Variants in FAM98B observed in about 807,000 individuals in gnomAD.
The protein encoded by FAM98B is tRNA-splicing ligase complex subunit FAM98B.
In FAM98B, 32 loss-of-function variants were observed where a neutral mutation model predicts 43.9. The ratio of observed to expected loss-of-function variants is 0.73; its 90% CI spans 0.55 to 0.98. FAM98B has a LOEUF of 0.98. Ranked by LOEUF, FAM98B falls within the 50% of genes least tolerant of loss-of-function variation. The pLI is 0.00. For synonymous variants in FAM98B, 190 were observed against 174.0 expected, an observed-to-expected ratio of 1.09 and a Z score of -0.72; for missense variants, 514 against 522.9, an observed-to-expected ratio of 0.98 and a Z score of 0.17.
chr15:38,456,290 A>G (rs1889847316), intron 1 of FAM98B, among the ~76,000 whole-genome samples: 1 of 152,232 alleles, frequency 6.6e-6, no homozygotes, highest in Admixed American at 6.5e-5. Context: ...AGATCTCAAC[A>G]CTGGAAGTAC....
At chr15:38,470,479 T>C in intron 4 of FAM98B, 74 bp downstream of exon 4, 1 of 1,302,826 alleles carries the variant, frequency 7.7e-7, no homozygotes, top group Non-Finnish European at 1.1e-6. Flanking sequence ...AAAATGAAAC[T>C]ATTCCCTATA....
intron 7 of FAM98B, chr15:38,483,683 A>AG (rs1890316504): frequency 2.6e-5 from 1 of 38,258 alleles, no homozygotes; most frequent in Non-Finnish European, 4.8e-5. Context: ...AAAAAAAAAA[A>AG]AATATATATA....
intron 1 of FAM98B, among the ~76,000 whole-genome samples, chr15:38,455,022 C>A (rs1300985552): frequency 1.3e-5 from 2 of 152,128 alleles, no homozygotes; most frequent in African/African-American, 4.8e-5. Context: ...TTGTCCCCAT[C>A]CCAAATTATC....
At chr15:38,458,365 A>G (rs1041890389) in intron 1 of FAM98B, among the ~76,000 whole-genome samples, 5 of 152,186 alleles carry the variant, frequency 3.3e-5, no homozygotes, top group Admixed American at 3.3e-4. Context: ...TGGTTTGGCA[A>G]TGGAGTCTTC....
At chr15:38,467,112 C>T (rs1472402541) in intron 3 of FAM98B, among the ~76,000 whole-genome samples, 5 of 152,004 alleles carry the variant, frequency 3.3e-5, no homozygotes, top group Admixed American at 6.6e-5. Context: ...CTTACTTAGA[C>T]AAAGATTAGG....
Position 38,487,027 on chromosome 15 carries a change from T to C in FAM98B, c.*2368T>C, listed in dbSNP as rs1456085669. 1 of 152,106 alleles carries C rather than the reference T, an allele frequency of 6.6e-6. No homozygotes were observed. The highest frequency in any genetic ancestry group is 1.9e-4 in the East Asian group (1 of 5,202). The allele number at this position is 152,106 out of a possible 1,614,324, so 9.4% of individuals were successfully genotyped here. ...TTACCTCATTGTCCTTCCCCTTTTT[T>C]CTTCTCTTTTTGTCCAGCCTGGTAC... is the stretch of plus-strand genomic sequence containing the variant. On this transcript the variant is annotated 3_prime_UTR_variant, in exon 8 of 8. Coordinates refer to ENST00000397609, the MANE Select transcript of FAM98B (RefSeq NM_173611.4).
At chr15:38,484,153 C>T (rs1890327790) in intron 7 of FAM98B, 102 bp from the exon 8 acceptor site, 10 of 1,045,558 alleles carry the variant, frequency 9.6e-6, no homozygotes, top group East Asian at 2.8e-5. Context: ...CTTTCATGTC[C>T]TTAAATATTG....
chr15:38,480,520 G>A (rs1447990869), intron 6 of FAM98B, among the ~76,000 whole-genome samples: 2 of 151,972 alleles, frequency 1.3e-5, no homozygotes. Context: ...GTTGCTAAGT[G>A]GGCAGAGCTA....
rs572335160 is a variant in FAM98B, at chr15:38,464,186, A to C, written c.217+9A>C. 2 of 1,603,590 alleles carry C rather than the reference A, an allele frequency of 1.2e-6. No individual in the cohort carries two copies. On this transcript the variant is annotated intron_variant, in intron 2 of 7. Coordinates refer to ENST00000397609, the MANE Select transcript of FAM98B (RefSeq NM_173611.4). ...AAGTATCACGTCTGCTGGTATTGCC[A>C]TTATGTTGTATTTACTTTTCTGTTT... is the stretch of plus-strand genomic sequence containing the variant.
At chr15:38,467,402 G>A (rs528349701) in intron 3 of FAM98B, among the ~76,000 whole-genome samples, 1 of 152,238 alleles carries the variant, frequency 6.6e-6, no homozygotes, top group East Asian at 1.9e-4. Flanking sequence ...ACATGAACAC[G>A]CATTCTACAG....
intron 6 of FAM98B, among the ~76,000 whole-genome samples, chr15:38,476,406 A>C (rs2141059935): frequency 6.8e-6 from 1 of 147,368 alleles, no homozygotes; most frequent in Middle Eastern, 3.4e-3. Context: ...AGACTGTTTT[A>C]GCTTTTATAT....
At chr15:38,478,701 A>G (rs1890241604) in intron 6 of FAM98B, among the ~76,000 whole-genome samples, 1 of 152,224 alleles carries the variant, frequency 6.6e-6, no homozygotes, top group Non-Finnish European at 1.5e-5. Context: ...TATTTGATTA[A>G]GGGAAATGAT....
chr15:38,473,445 C>A, intron 4 of FAM98B, 60 bp from the exon 5 acceptor site: 1 of 1,224,772 alleles, frequency 8.2e-7, no homozygotes, highest in Non-Finnish European at 1.2e-6. Context: ...TTTAAACAAG[C>A]ATAAGATTGT....
intron 7 of FAM98B, among the ~76,000 whole-genome samples, chr15:38,483,997 A>G (rs1595805794): frequency 6.6e-6 from 1 of 151,958 alleles, no homozygotes; most frequent in East Asian, 1.9e-4. Context: ...TTGAAACTAT[A>G]TATTAACTAC....
chr15:38,470,064 T>C (rs962403295), intron 3 of FAM98B, among the ~76,000 whole-genome samples, 163 bp from the exon 4 acceptor site: 11 of 152,198 alleles, frequency 7.2e-5, no homozygotes, highest in African/African-American at 2.7e-4. Context: ...GGGAATCACT[T>C]CGTTTATAAG....
Position 38,484,542 on chromosome 15 carries a change from A to G in FAM98B, c.1185A>G (p.Gly395=). Residue 395 remains glycine, a synonymous_variant, in exon 8 of 8, where the codon GGA becomes GGG. Coordinates refer to ENST00000397609, the MANE Select transcript of FAM98B (RefSeq NM_173611.4). The part of the protein sequence containing the change: ...GGFQGRGDYG[G]RGGYGGRGGY... ...TCCAAGGCAGGGGAGATTATGGTGG[A>G]AGAGGGGGTTATGGTGGAAGAGGGG... 7.6e-7 allele frequency: 1 copy of G among 1,314,690 alleles called. No individual in the cohort carries two copies. Among genetic ancestry groups the G allele is most frequent in the Non-Finnish European group, 9.7e-7 (1 of 1,026,392 alleles). The allele number at this position is 1,314,690 out of a possible 1,614,324, so 81.4% of individuals were successfully genotyped here. A position where few individuals can be genotyped will look rare whatever the true frequency, so the allele number is the denominator to read the frequency against.
intron 3 of FAM98B, among the ~76,000 whole-genome samples, chr15:38,466,661 G>T (rs1210233360): frequency 1.3e-5 from 2 of 152,156 alleles, no homozygotes; most frequent in African/African-American, 4.8e-5. Context: ...CAGAGTTTCA[G>T]TGAGGAAGAC....
rs574019998 is a variant in FAM98B at position 38,466,520 on chromosome 15, A to G, written c.352+1117A>G. On this transcript the variant is annotated intron_variant, in intron 3 of 7. Coordinates refer to ENST00000397609, the MANE Select transcript of FAM98B (RefSeq NM_173611.4). The stretch of plus-strand genomic sequence containing the variant: ...TCCTTAGCTGCTAAGAAGCTTAGCA[A>G]TTGTAGTGATACAGGTTTCTGGTAC... Among the ~76,000 whole-genome samples the G allele has an allele frequency of 3.3e-5, 5 of 152,286 alleles. No homozygotes were observed. In the East Asian group the frequency reaches 9.6e-4, roughly 29 times the overall value.
chr15:38,461,418 CAA>C (rs1889944659), intron 1 of FAM98B, among the ~76,000 whole-genome samples: 1 of 152,116 alleles, frequency 6.6e-6, no homozygotes, highest in South Asian at 2.1e-4. Flanking sequence ...AGAGGTCTAA[CAA>C]GACCTATGTT....
Sources: allele counts gnomAD v4.1 joint callset (sites outside exome capture counted in the v4.1 genomes callset), GRCh38; gene constraint gnomAD v4.1.1; transcripts MANE v1.5; gene names NCBI Gene and HGNC (gene_info 2026-07-23, HGNC 2026-07-21).